CTNNA3: variants seen among roughly 807,000 people sequenced by gnomAD.
The protein encoded by CTNNA3 is catenin alpha 3.
A neutral mutation model predicts 95.7 loss-of-function variants in CTNNA3; 76 were observed. The observed-to-expected ratio is 0.79, with a 90% CI of 0.66 to 0.96. CTNNA3 has a LOEUF of 0.96. CTNNA3 is among the 40% of genes least tolerant of loss of function. The pLI is 0.00. For missense variants in CTNNA3, 1,191 were observed against 1,089.8 expected (o/e 1.09, Z -1.31); for synonymous variants, 431 against 374.4 (o/e 1.15, Z -1.74).
chr10:66,427,404 C>T (rs957504671), intron 11 of CTNNA3, among the ~76,000 whole-genome samples: 2 of 152,032 alleles, frequency 1.3e-5, no homozygotes, highest in Non-Finnish European at 2.9e-5. Flanking sequence ...TAGCCTTCCC[C>T]TAAGCTTCCT....
chr10:67,199,287 A>G (rs1473915183), intron 6 of CTNNA3, among the ~76,000 whole-genome samples: 6 of 152,196 alleles, frequency 3.9e-5, no homozygotes, highest in Admixed American at 2.0e-4. Flanking sequence ...GTACCTGACA[A>G]CTTTGCCAAA....
intron 2 of CTNNA3, among the ~76,000 whole-genome samples, chr10:67,620,921 G>GTATATATATATATA (rs1272442858): frequency 2.1e-5 from 2 of 94,856 alleles, no homozygotes; most frequent in African/African-American, 9.2e-5. Context: ...GTGTGTGTGT[G>GTATATATATATATA]TGTATATATA....
chr10:66,325,259 G>A (rs752380030), intron 12 of CTNNA3, among the ~76,000 whole-genome samples: 1 of 151,958 alleles, frequency 6.6e-6, no homozygotes, highest in Non-Finnish European at 1.5e-5. Context: ...ACATTAAAGG[G>A]TGAAAGAAAA....
intron 7 of CTNNA3, among the ~76,000 whole-genome samples, chr10:66,864,949 G>A (rs1293617412): frequency 6.6e-6 from 1 of 151,928 alleles, no homozygotes; most frequent in Non-Finnish European, 1.5e-5. Flanking sequence ...ATATTTTATA[G>A]GATAATGAAA....
intron 7 of CTNNA3, among the ~76,000 whole-genome samples, chr10:67,138,056 T>G (rs1860382460): frequency 1.3e-5 from 2 of 152,120 alleles, no homozygotes; most frequent in Admixed American, 1.3e-4. Flanking sequence ...TATTGTATAT[T>G]ATAACAGGAA....
chr10:66,795,728 T>C (rs1018289753), intron 7 of CTNNA3, among the ~76,000 whole-genome samples: 2 of 152,168 alleles, frequency 1.3e-5, no homozygotes. Flanking sequence ...TTTGTCTACA[T>C]TGAAAATATG....
rs184820087 is a variant in CTNNA3, at chr10:66,114,455, T to C, written c.1885-11206A>G. The stretch of plus-strand genomic sequence containing the variant: ...ATGTATATATGTGTATATATGTATA[T>C]ATGTGTATATATGTGCGTATATGTA... On this transcript the variant is annotated intron_variant, in intron 13 of 17. Coordinates refer to ENST00000433211, the MANE Select transcript of CTNNA3 (RefSeq NM_013266.4). Among the ~76,000 whole-genome samples the C allele has an allele frequency of 2.8e-3, 341 of 122,684 alleles. 2 individuals carry two copies. The highest frequency in any genetic ancestry group is 4.7e-3 in the Non-Finnish European group (279 of 59,160). The allele number at this position is 122,684 out of a possible 152,430, so 80.5% of individuals were successfully genotyped here. A position where few individuals can be genotyped will look rare whatever the true frequency, so the allele number is the denominator to read the frequency against.
intron 13 of CTNNA3, among the ~76,000 whole-genome samples, chr10:66,107,187 A>G (rs1183684722): frequency 1.3e-5 from 2 of 152,138 alleles, no homozygotes; most frequent in Non-Finnish European, 2.9e-5. Context: ...TTTTTCAGAA[A>G]AAGTGTTAAT....
chr10:67,674,907 G>C (rs937363863), intron 1 of CTNNA3, among the ~76,000 whole-genome samples: 1 of 150,670 alleles, frequency 6.6e-6, no homozygotes, highest in Non-Finnish European at 1.5e-5. Flanking sequence ...TCTTTGTCTA[G>C]GATACCTTCC....
chr10:67,326,208 G>A (rs956518598), intron 5 of CTNNA3, among the ~76,000 whole-genome samples: 3 of 152,054 alleles, frequency 2.0e-5, no homozygotes, highest in African/African-American at 7.2e-5. Flanking sequence ...TTTAATTGGG[G>A]CATTTAAGCC....
chr10:66,491,731 T>C (rs1233223607), intron 11 of CTNNA3, among the ~76,000 whole-genome samples: 1 of 152,130 alleles, frequency 6.6e-6, no homozygotes. Context: ...AATTTCAAAA[T>C]CAGGCAGGCT....
In CTNNA3 at chr10:67,471,049, T is replaced by A. The variant is rs188108226; in HGVS notation, c.579+50793A>T. Among the ~76,000 whole-genome samples, 407 of 152,240 alleles carry A rather than the reference T, an allele frequency of 2.7e-3. 2 individuals are homozygous for A. Among genetic ancestry groups the A allele is most frequent in the African/African-American group, 9.5e-3 (393 of 41,550 alleles). On this transcript the variant is annotated intron_variant, in intron 5 of 17. Coordinates refer to ENST00000433211, the MANE Select transcript of CTNNA3 (RefSeq NM_013266.4). The stretch of plus-strand genomic sequence containing the variant: ...CAGGCTACTCTCAAAGCCCTGGGGC[T>A]CAGGTGATCTTCCTGCCTCAGCCTC...
chr10:66,798,256 T>A (rs959589943), intron 7 of CTNNA3, among the ~76,000 whole-genome samples: 2 of 151,842 alleles, frequency 1.3e-5, no homozygotes, highest in East Asian at 3.9e-4. Context: ...TATTTTAAGT[T>A]GAAAATTGAT....
chr10:66,805,064 T>A (rs1222039385), intron 7 of CTNNA3, among the ~76,000 whole-genome samples: 1 of 152,126 alleles, frequency 6.6e-6, no homozygotes, highest in African/African-American at 2.4e-5. Context: ...TTTGGACTTC[T>A]GTGCTCAGCC....
chr10:66,789,109 T>G (rs1207593026), intron 7 of CTNNA3, among the ~76,000 whole-genome samples: 1 of 152,194 alleles, frequency 6.6e-6, no homozygotes, highest in Non-Finnish European at 1.5e-5. Flanking sequence ...ATTTTTCTCC[T>G]GCCATTTTAT....
chr10:66,088,164 C>T (rs2081060018), intron 14 of CTNNA3, among the ~76,000 whole-genome samples: 1 of 151,862 alleles, frequency 6.6e-6, no homozygotes. Context: ...CTTTTTCCCT[C>T]TGTACTTTCA....
At position 66,939,999 on chromosome 10, in the gene CTNNA3, A is replaced by AT. The variant is rs985554728; in HGVS notation, c.1048-164476dup. Among the ~76,000 whole-genome samples, 70 of 150,690 alleles carry AT rather than the reference A, an allele frequency of 4.6e-4. 1 individual carries two copies. The highest frequency in any genetic ancestry group is 1.4e-3 in the African/African-American group (57 of 41,148). ...TTAAGATAAACCCAGTGGTTACTTAATTTTTTTTTTAATTCTTCTTTGTTT... is the reference window on the plus strand; with the variant it reads ...TTAAGATAAACCCAGTGGTTACTTAATTTTTTTTTTTAATTCTTCTTTGTTT... On this transcript the variant is annotated intron_variant, in intron 7 of 17. Coordinates refer to ENST00000433211, the MANE Select transcript of CTNNA3 (RefSeq NM_013266.4).
intron 5 of CTNNA3, among the ~76,000 whole-genome samples, chr10:67,258,028 A>G (rs1866433024): frequency 6.6e-6 from 1 of 152,202 alleles, no homozygotes; most frequent in Non-Finnish European, 1.5e-5. Flanking sequence ...ACAATCTGCC[A>G]GTCACCTGGG....
intron 10 of CTNNA3, among the ~76,000 whole-genome samples, chr10:66,529,439 GTT>G (rs201667838): frequency 2.0e-5 from 1 of 50,596 alleles, no homozygotes; most frequent in African/African-American, 7.2e-5. Flanking sequence ...GCCAAACAGT[GTT>G]TTTTTTTTGT....
Sources: allele counts gnomAD v4.1 joint callset (sites outside exome capture counted in the v4.1 genomes callset), GRCh38; gene constraint gnomAD v4.1.1; transcripts MANE v1.5; gene names NCBI Gene and HGNC (gene_info 2026-07-23, HGNC 2026-07-21).